Variants in STIM1 observed in about 807,000 individuals in gnomAD.
STIM1 encodes stromal interaction molecule 1.
In STIM1, 25 loss-of-function variants were observed where a neutral mutation model predicts 74.7. The ratio of observed to expected loss-of-function variants is 0.33; its 90% CI spans 0.24 to 0.47. The LOEUF (loss-of-function observed/expected upper bound fraction) is 0.47, where lower values mean the gene tolerates loss of function less well. Ranked by LOEUF, STIM1 falls within the 20% of genes least tolerant of loss-of-function variation. The pLI is 1.00. For missense variants in STIM1, 728 were observed against 920.8 expected, an observed-to-expected ratio of 0.79 and a Z score of 2.71; for synonymous variants, 328 against 348.8, an observed-to-expected ratio of 0.94 and a Z score of 0.66.
chr11:4,055,716 C>G, intron 4 of STIM1, 79 bp downstream of exon 4: 1 of 1,103,710 alleles, frequency 9.1e-7, no homozygotes, highest in Non-Finnish European at 1.3e-6. Context: ...ATTGCTCTGG[C>G]CAGTTAAGTG....
chr11:3,912,798 A>G lies in STIM1; in HGVS notation c.140-54754A>G, dbSNP rs73425465. On this transcript the variant is annotated intron_variant, in intron 1 of 12. Transcript: ENST00000526596. ...GAACACCTGAGTTTTAGCAGGATGC[A>G]TAGCTGCTCAGCTTCCTTTGCAACT... Among the ~76,000 whole-genome samples, 1,209 of 152,338 alleles carry G rather than the reference A, an allele frequency of 7.9e-3. 17 individuals are homozygous for G. The highest frequency in any genetic ancestry group is 0.028 in the African/African-American group (1,153 of 41,576).
intron 3 of STIM1, among the ~76,000 whole-genome samples, chr11:4,029,760 A>G (rs1021473323): frequency 6.6e-6 from 1 of 152,164 alleles, no homozygotes; most frequent in Non-Finnish European, 1.5e-5. Context: ...CAGGTAAATA[A>G]TTATCTTACT....
chr11:3,856,129 C>T lies in STIM1; in HGVS notation c.-142C>T, dbSNP rs368476786. 24 of 1,093,600 alleles carry T rather than the reference C, an allele frequency of 2.2e-5. No homozygotes were observed. The East Asian group carries it at 4.4e-4, about 20-fold the overall frequency. The allele number at this position is 1,093,600 out of a possible 1,614,324, so 67.7% of individuals were successfully genotyped here. On this transcript the variant is annotated 5_prime_UTR_variant, in exon 1 of 13. Transcript: ENST00000526596. ...CTTGACCTTTGGCTGTTGGAGGGGGCAGGCTCGCGGGTGGCTGGACAGCTG... is the reference window on the plus strand; with the variant it reads ...CTTGACCTTTGGCTGTTGGAGGGGGTAGGCTCGCGGGTGGCTGGACAGCTG...
intron 1 of STIM1, among the ~76,000 whole-genome samples, chr11:3,958,918 C>T (rs570145000): frequency 6.6e-6 from 1 of 150,658 alleles, no homozygotes; most frequent in Non-Finnish European, 1.5e-5. Flanking sequence ...GCACTCCAGC[C>T]TGGGCCTGGG....
chr11:4,022,335 CAAAAAAAA>C (rs60560723), intron 2 of STIM1, among the ~76,000 whole-genome samples: 1 of 105,034 alleles, frequency 9.5e-6, no homozygotes, highest in Non-Finnish European at 1.9e-5. Flanking sequence ...GAACCTGTCT[CAAAAAAAA>C]AAAAAAAAAA....
chr11:3,913,226 C>T (rs910952171), intron 1 of STIM1, among the ~76,000 whole-genome samples: 36 of 151,876 alleles, frequency 2.4e-4, no homozygotes, highest in African/African-American at 7.0e-4. Context: ...GTCTTGCTGT[C>T]GCCCAGGCTG....
chr11:3,864,055 A>G lies in STIM1; in HGVS notation c.139+7646A>G, dbSNP rs544721535. ...TGTCTCACTTCGGCTATACCCAGCC[A>G]TCATGCGTAACTCTGGTGTGGCCAA... On this transcript the variant is annotated intron_variant, in intron 1 of 12. Transcript: ENST00000526596. 1.4e-3 allele frequency among the ~76,000 whole-genome samples: 218 copies of G among 152,006 alleles called. 3 individuals carry two copies. Among genetic ancestry groups the G allele is most frequent in the African/African-American group, 5.1e-3 (212 of 41,466 alleles).
intron 1 of STIM1, among the ~76,000 whole-genome samples, chr11:3,883,446 T>C (rs1823681): frequency 0.94 from 143,440 of 152,306 alleles, 67,535 homozygotes; most frequent in East Asian, 0.96. Flanking sequence ...ACCTCTGCCT[T>C]CCGTTCAAGC....
chr11:4,024,586 C>T (rs542288617), intron 3 of STIM1, among the ~76,000 whole-genome samples: 14 of 151,960 alleles, frequency 9.2e-5, no homozygotes, highest in African/African-American at 3.4e-4. Context: ...TTTCTTAGAT[C>T]CTATAGTTGG....
intron 3 of STIM1, among the ~76,000 whole-genome samples, chr11:4,051,044 G>C (rs748537368): frequency 6.6e-6 from 1 of 151,980 alleles, no homozygotes; most frequent in African/African-American, 2.4e-5. Context: ...GATAGAGAAG[G>C]TAGGAAGGGA....
At chr11:3,941,034 A>G (rs940187126) in intron 1 of STIM1, among the ~76,000 whole-genome samples, 2 of 152,110 alleles carry the variant, frequency 1.3e-5, no homozygotes, top group African/African-American at 4.8e-5. Flanking sequence ...TGAGAAATGG[A>G]GATGTTGATA....
intron 1 of STIM1, among the ~76,000 whole-genome samples, chr11:3,926,967 A>C (rs1172925005): frequency 6.6e-6 from 1 of 152,194 alleles, no homozygotes; most frequent in Non-Finnish European, 1.5e-5. Flanking sequence ...AGGCAAGTTC[A>C]TTTAACCACT....
At chr11:4,071,577 CAA>C (rs1451088684) in intron 6 of STIM1, among the ~76,000 whole-genome samples, 17 of 152,124 alleles carry the variant, frequency 1.1e-4, no homozygotes, top group African/African-American at 4.1e-4. Context: ...CTCCTGGACT[CAA>C]GAGGTCTACC....
chr11:4,048,837 A>G (rs184849298), intron 3 of STIM1, among the ~76,000 whole-genome samples: 1,604 of 152,074 alleles, frequency 0.011, 14 homozygotes, highest in Non-Finnish European at 0.018. Flanking sequence ...GAGTTCAAGC[A>G]ATTCTCCTAC....
chr11:3,917,548 C>T (rs562893686), intron 1 of STIM1, among the ~76,000 whole-genome samples: 1 of 151,834 alleles, frequency 6.6e-6, no homozygotes, highest in African/African-American at 2.4e-5. Context: ...GATCCTCCCA[C>T]CTCAGCTTCT....
At chr11:3,922,935 TA>T (rs1363718067) in intron 1 of STIM1, among the ~76,000 whole-genome samples, 1 of 151,806 alleles carries the variant, frequency 6.6e-6, no homozygotes, top group African/African-American at 2.4e-5. Context: ...CCATCTCTAC[TA>T]AAAATACAAA....
At chr11:4,059,032 A>C in intron 4 of STIM1, 1 of 958,510 alleles carries the variant, frequency 1.0e-6, no homozygotes, top group Non-Finnish European at 1.4e-6. Flanking sequence ...ACAGACAGGT[A>C]ATCCTTAGAG....
At chr11:3,989,925 C>T (rs529893526) in intron 2 of STIM1, among the ~76,000 whole-genome samples, 5 of 152,162 alleles carry the variant, frequency 3.3e-5, no homozygotes, top group Non-Finnish European at 7.3e-5. Context: ...GTGCAATTCA[C>T]CCATTTATAT....
At chr11:3,988,413 T>A (rs1297584032) in intron 2 of STIM1, among the ~76,000 whole-genome samples, 5 of 152,218 alleles carry the variant, frequency 3.3e-5, no homozygotes, top group Non-Finnish European at 5.9e-5. Flanking sequence ...TTGTACACAA[T>A]TCTTAACATA....
Sources: gnomAD v4.1 joint callset for allele counts (sites outside exome capture counted in the v4.1 genomes callset) on GRCh38, gnomAD v4.1.1 for gene constraint, MANE v1.5 for transcripts, NCBI Gene and HGNC (gene_info 2026-07-23, HGNC 2026-07-21) for gene names.